The following NRG3 variants were observed in gnomAD, a reference collection of about 807,000 sequenced individuals.
NRG3 encodes the protein neuregulin 3, also known as pro-neuregulin-3, membrane-bound isoform.
A neutral mutation model predicts 66.9 loss-of-function variants in NRG3; 31 were observed. The observed-to-expected ratio is 0.46, with a 90% CI of 0.35 to 0.63. The LOEUF is 0.63. Ranked by LOEUF, NRG3 falls within the 20% of genes least tolerant of loss-of-function variation. The pLI, the probability that NRG3 is intolerant of heterozygous loss-of-function variation, is 0.00. For synonymous variants in NRG3, 393 were observed against 359.4 expected, an observed-to-expected ratio of 1.09 and a Z score of -1.06; for missense variants, 910 against 878.9, an observed-to-expected ratio of 1.04 and a Z score of -0.45.
intron 2 of NRG3, among the ~76,000 whole-genome samples, chr10:82,625,799 G>A (rs1177293299): frequency 6.6e-6 from 1 of 152,194 alleles, no homozygotes; most frequent in Non-Finnish European, 1.5e-5. Flanking sequence ...GTCACAATAT[G>A]TGTAAGTGGT....
At chr10:82,199,312 A>C (rs550995600) in intron 1 of NRG3, among the ~76,000 whole-genome samples, 1 of 152,310 alleles carries the variant, frequency 6.6e-6, no homozygotes, top group South Asian at 2.1e-4. Context: ...TCAAACCTAA[A>C]CCAAAAATAT....
At chr10:82,919,785 C>T (rs984558505) in intron 4 of NRG3, among the ~76,000 whole-genome samples, 7 of 152,058 alleles carry the variant, frequency 4.6e-5, no homozygotes, top group African/African-American at 1.7e-4. Context: ...ATGCTATTCA[C>T]GTGACTGCCC....
At chr10:82,281,297 T>A (rs2079109806) in intron 1 of NRG3, among the ~76,000 whole-genome samples, 1 of 152,174 alleles carries the variant, frequency 6.6e-6, no homozygotes, top group South Asian at 2.1e-4. Context: ...ATAGCATGAT[T>A]GCTGAATGGC....
At chr10:82,047,355 G>T (rs1305127889) in intron 1 of NRG3, among the ~76,000 whole-genome samples, 1 of 152,000 alleles carries the variant, frequency 6.6e-6, no homozygotes, top group Admixed American at 6.6e-5. Flanking sequence ...AGAGAGAAAG[G>T]TCGGGTTACC....
chr10:82,738,760 G>C, intron 3 of NRG3, 110 bp downstream of exon 3: 1 of 950,320 alleles, frequency 1.1e-6, no homozygotes, highest in South Asian at 1.4e-5. Flanking sequence ...GTCTCTGAAA[G>C]CTGCCAAGGA....
intron 1 of NRG3, among the ~76,000 whole-genome samples, chr10:82,324,126 G>A (rs12240353): frequency 0.41 from 61,796 of 151,962 alleles, 17,940 homozygotes; most frequent in African/African-American, 0.82. Context: ...CGGCTTCCCA[G>A]GGTGCTGGGA....
chr10:81,886,106 A>G (rs1369057281), intron 1 of NRG3, among the ~76,000 whole-genome samples: 1 of 152,152 alleles, frequency 6.6e-6, no homozygotes, highest in Non-Finnish European at 1.5e-5. Context: ...GCAAACCACC[A>G]TGGCACACGT....
rs1015456938 is a variant in NRG3, at chr10:82,985,788, G to A, written c.*183G>A. ...TTTTTAAGGGAAAGAAATGTTTCAG[G>A]AGGGATAAAGCTTACCATTAAAGCT... On this transcript the variant is annotated 3_prime_UTR_variant, in exon 9 of 9. Coordinates refer to ENST00000372141, the MANE Select transcript of NRG3 (RefSeq NM_001010848.4). 1.1e-4 allele frequency: 73 copies of A among 662,508 alleles called. No individual in the cohort carries two copies. Among genetic ancestry groups the A allele is most frequent in the Middle Eastern group, 3.8e-4 (1 of 2,616 alleles). The allele number at this position is 662,508 out of a possible 1,614,324, so 41.0% of individuals were successfully genotyped here.
At chr10:82,432,796 CA>C (rs1201837254) in intron 2 of NRG3, among the ~76,000 whole-genome samples, 2 of 152,180 alleles carry the variant, frequency 1.3e-5, no homozygotes, top group African/African-American at 4.8e-5. Context: ...GACATAATCT[CA>C]TTCCTTTTTA....
In NRG3 at chr10:82,603,476, T is replaced by C. The variant is rs891905699; in HGVS notation, c.954-135101T>C. ...CTTTCTTTTATGGACTAGGAAACAA[T>C]TGAGCGGAAACATGTGGTCAACTCT... On this transcript the variant is annotated intron_variant, in intron 2 of 8. Transcript: ENST00000372141. Among the ~76,000 whole-genome samples, 3 of 152,152 alleles carry C rather than the reference T, an allele frequency of 2.0e-5. 1 individual carries two copies. The highest frequency in any genetic ancestry group is 4.1e-4 in the South Asian group (2 of 4,832).
intron 8 of NRG3, among the ~76,000 whole-genome samples, chr10:82,983,707 T>A (rs977014424): frequency 1.1e-4 from 16 of 152,256 alleles, no homozygotes; most frequent in African/African-American, 3.9e-4. Context: ...AAGTGATTTT[T>A]ACAAGCACTG....
chr10:82,212,930 A>C (rs1461615926), intron 1 of NRG3, among the ~76,000 whole-genome samples: 2 of 152,202 alleles, frequency 1.3e-5, no homozygotes, highest in African/African-American at 4.8e-5. Flanking sequence ...AAAGGATTGC[A>C]CAATTGCAGC....
intron 1 of NRG3, among the ~76,000 whole-genome samples, chr10:81,915,150 G>A (rs1845554598): frequency 6.6e-6 from 1 of 152,036 alleles, no homozygotes; most frequent in African/African-American, 2.4e-5. Context: ...GGTTTTTGTG[G>A]CAACACTGGG....
chr10:82,809,503 A>G (rs764402827), intron 3 of NRG3, among the ~76,000 whole-genome samples: 4 of 152,146 alleles, frequency 2.6e-5, no homozygotes, highest in Admixed American at 1.3e-4. Context: ...TATCTTCCTT[A>G]GCATTCCTAA....
chr10:82,117,356 T>A (rs1401967395), intron 1 of NRG3, among the ~76,000 whole-genome samples: 1 of 152,146 alleles, frequency 6.6e-6, no homozygotes. Context: ...CAGCTCTCTA[T>A]GGGGATAAAT....
At chr10:82,671,598 T>C (rs2134042036) in intron 2 of NRG3, among the ~76,000 whole-genome samples, 1 of 152,322 alleles carries the variant, frequency 6.6e-6, no homozygotes, top group East Asian at 1.9e-4. Context: ...GTTCCAATCT[T>C]GACCCTGTCA....
chr10:82,226,337 T>G (rs528878596), intron 1 of NRG3, among the ~76,000 whole-genome samples: 1 of 152,274 alleles, frequency 6.6e-6, no homozygotes, highest in East Asian at 1.9e-4. Context: ...TAGGACTCCT[T>G]ACATTTCTGA....
intron 2 of NRG3, among the ~76,000 whole-genome samples, chr10:82,571,090 T>A (rs1364793492): frequency 2.0e-5 from 3 of 151,634 alleles, no homozygotes; most frequent in Non-Finnish European, 3.0e-5. Flanking sequence ...TATATATATT[T>A]TAGAAAATCT....
At chr10:82,847,259 C>T (rs952578218) in intron 3 of NRG3, among the ~76,000 whole-genome samples, 1 of 152,192 alleles carries the variant, frequency 6.6e-6, no homozygotes. Context: ...TAAAACAGCA[C>T]TGTGTCACAT....
Sources: allele counts gnomAD v4.1 joint callset (sites outside exome capture counted in the v4.1 genomes callset), GRCh38; gene constraint gnomAD v4.1.1; transcripts MANE v1.5; gene names NCBI Gene and HGNC (gene_info 2026-07-23, HGNC 2026-07-21).